The following RANBP2 variants were observed in gnomAD, a reference collection of about 807,000 sequenced individuals.
RANBP2 encodes the protein RAN binding protein 2.
In RANBP2, 57 loss-of-function variants were observed where a neutral mutation model predicts 303.6. That is an observed-to-expected ratio of 0.19 (90% CI 0.15 to 0.23). The LOEUF is 0.23. Among genes scored for constraint, RANBP2 ranks in the 10% least tolerant of loss-of-function variants. The probability of loss-of-function intolerance (pLI) is 1.00; values close to 1 mark genes in which losing one functional copy is unlikely to be tolerated. For synonymous variants in RANBP2, 1,167 were observed against 1,301.5 expected (o/e 0.90, Z 2.23); for missense variants, 3,138 against 3,780.8 (o/e 0.83, Z 4.46).
At chr2:108,979,335 CTT>C in the RANBP2 span, among the ~76,000 whole-genome samples, 1 of 152,190 alleles carries the variant, frequency 6.6e-6, no homozygotes, top group Admixed American at 6.5e-5. Context: ...CTCCAACACT[CTT>C]GTTTGCTGGG....
At chr2:109,066,050 G>A in the RANBP2 span, among the ~76,000 whole-genome samples, 1 of 151,836 alleles carries the variant, frequency 6.6e-6, no homozygotes, top group Non-Finnish European at 1.5e-5. Context: ...CAATTCTCCT[G>A]CCTCGGCCTC....
At chr2:109,200,043 A>C in the RANBP2 span, among the ~76,000 whole-genome samples, 1 of 152,080 alleles carries the variant, frequency 6.6e-6, no homozygotes, top group Non-Finnish European at 1.5e-5. Flanking sequence ...ACAGCCCCCC[A>C]CAGAGAAATG....
the RANBP2 span, among the ~76,000 whole-genome samples, chr2:109,455,528 C>CA: frequency 0.55 from 83,725 of 151,994 alleles, 23,289 homozygotes; most frequent in Admixed American, 0.56. Context: ...ATGTGTGTTA[C>CA]TATGGCATAT....
Position 108,751,550 on chromosome 2 carries a change from A to G in RANBP2, c.1478A>G (p.Tyr493Cys). Reference protein sequence around the residue: ...DLEVFLLGVVYTSHLQLKEKC... With the variant: ...DLEVFLLGVVCTSHLQLKEKC... ...CAGGTATTTCTCCTTGGAGTAGTAT[A>G]TACCAGCCACTTACAATTAAAGGAG... The change falls in exon 11 of 29, where the codon TAT (tyrosine) becomes TGT (cysteine). Residue 493 changes from tyrosine to cysteine, a missense_variant. Around this residue, in one of 20 missense-constraint regions of RANBP2, gnomAD observed 162 missense variants for 286.9 expected, o/e 0.56. Coordinates refer to ENST00000283195, the MANE Select transcript of RANBP2 (RefSeq NM_006267.5). The G allele has an allele frequency of 3.1e-6, 5 of 1,610,576 alleles. No homozygotes were observed. Among genetic ancestry groups the G allele is most frequent in the Non-Finnish European group, 4.2e-6 (5 of 1,179,152 alleles).
chr2:109,305,437 T>C, the RANBP2 span, among the ~76,000 whole-genome samples: 1 of 152,160 alleles, frequency 6.6e-6, no homozygotes, highest in South Asian at 2.1e-4. Context: ...CCTATTTCCC[T>C]GTCTCCAGCC....
Position 108,758,396 on chromosome 2 carries a change from T to G in RANBP2, c.2467-17T>G. ...ATTAAATGTTTAAAATTATTTGATT[T>G]TTTTTTCTTCCAATAGAAAGAAATG... On this transcript the variant is annotated splice_polypyrimidine_tract_variant and intron_variant, in intron 17 of 28. Transcript: ENST00000283195. 1 of 1,611,850 alleles carries G rather than the reference T, an allele frequency of 6.2e-7. No homozygotes were observed. Among genetic ancestry groups the G allele is most frequent in the African/African-American group, 1.3e-5 (1 of 74,914 alleles).
intron 8 of RANBP2, among the ~76,000 whole-genome samples, chr2:108,747,365 G>A (rs1214098577): frequency 1.3e-5 from 2 of 152,206 alleles, no homozygotes; most frequent in Non-Finnish European, 2.9e-5. Context: ...ATCAAGCAGT[G>A]AACTGAAGAA....
the RANBP2 span, among the ~76,000 whole-genome samples, chr2:108,834,173 A>G: frequency 2.7e-5 from 4 of 149,414 alleles, no homozygotes; most frequent in Non-Finnish European, 5.9e-5. Context: ...TTATCTGTTA[A>G]TGCTGATCTG....
At chr2:109,291,998 G>A in the RANBP2 span, among the ~76,000 whole-genome samples, 6 of 152,142 alleles carry the variant, frequency 3.9e-5, no homozygotes, top group Non-Finnish European at 7.4e-5. Context: ...CGAGTAGCTG[G>A]GACTACAGGC....
chr2:109,012,778 T>G, the RANBP2 span, among the ~76,000 whole-genome samples: 50 of 152,138 alleles, frequency 3.3e-4, no homozygotes, highest in South Asian at 2.1e-3. Context: ...GCCGGGCGTG[T>G]TGGCGGGAGC....
the RANBP2 span, among the ~76,000 whole-genome samples, chr2:109,007,781 G>A: frequency 1.6e-4 from 24 of 152,148 alleles, no homozygotes; most frequent in African/African-American, 3.6e-4. Flanking sequence ...TTTTCTGTGC[G>A]TTCTTAGAGA....
the RANBP2 span, among the ~76,000 whole-genome samples, chr2:109,624,495 G>A: frequency 6.6e-6 from 1 of 152,124 alleles, no homozygotes; most frequent in Non-Finnish European, 1.5e-5. Flanking sequence ...GAGTTGTCTG[G>A]AGAATGTTGC....
At chr2:109,242,257 T>G in the RANBP2 span, among the ~76,000 whole-genome samples, 2 of 152,168 alleles carry the variant, frequency 1.3e-5, no homozygotes, top group Non-Finnish European at 2.9e-5. Context: ...TTTGTAGTCC[T>G]GAGGCATGGG....
At chr2:109,660,650 G>A in the RANBP2 span, among the ~76,000 whole-genome samples, 1 of 152,250 alleles carries the variant, frequency 6.6e-6, no homozygotes, top group Non-Finnish European at 1.5e-5. Flanking sequence ...TTGGCCTGGT[G>A]TGGCCCAGGG....
the RANBP2 span, among the ~76,000 whole-genome samples, chr2:109,111,057 C>T: frequency 6.6e-6 from 1 of 152,180 alleles, no homozygotes; most frequent in Non-Finnish European, 1.5e-5. Context: ...CAGTTACTAG[C>T]AGTACCCTAG....
chr2:108,762,055 T>C (rs1400458874), intron 18 of RANBP2, 46 bp from the exon 19 acceptor site: 7 of 1,595,718 alleles, frequency 4.4e-6, no homozygotes, highest in Non-Finnish European at 5.1e-6. Context: ...TTAACTGTAG[T>C]ATAGACTTTA....
the RANBP2 span, among the ~76,000 whole-genome samples, chr2:108,990,169 C>T: frequency 1.3e-5 from 2 of 152,096 alleles, no homozygotes; most frequent in Non-Finnish European, 2.9e-5. Context: ...CGGTGGCTCA[C>T]GCCTGTAATC....
chr2:109,655,319 G>A, the RANBP2 span, among the ~76,000 whole-genome samples: 1 of 152,218 alleles, frequency 6.6e-6, no homozygotes, highest in African/African-American at 2.4e-5. Flanking sequence ...TCAGAACACA[G>A]TCGATAGGTG....
At chr2:109,204,702 T>A in the RANBP2 span, among the ~76,000 whole-genome samples, 1 of 152,218 alleles carries the variant, frequency 6.6e-6, no homozygotes, top group Non-Finnish European at 1.5e-5. Flanking sequence ...TCTAGCAGTC[T>A]CTTACTTTGC....
Sources: allele counts gnomAD v4.1 joint callset (sites outside exome capture counted in the v4.1 genomes callset), GRCh38; gene constraint gnomAD v4.1.1; regional missense constraint gnomAD v4.1.1; transcripts MANE v1.5; gene names NCBI Gene and HGNC (gene_info 2026-07-23, HGNC 2026-07-21).